CSMD1: variants seen among roughly 807,000 people sequenced by gnomAD.
CSMD1 encodes the protein CUB and sushi domain-containing protein 1.
In CSMD1, 213 loss-of-function variants were observed where a neutral mutation model predicts 417.5. The ratio of observed to expected loss-of-function variants is 0.51; its 90% CI spans 0.46 to 0.57. The LOEUF (loss-of-function observed/expected upper bound fraction) is 0.57. CSMD1 is among the 20% of genes least tolerant of loss of function. The probability of loss-of-function intolerance (pLI) is 0.00; values close to 1 mark genes in which losing one functional copy is unlikely to be tolerated. For synonymous variants in CSMD1, 2,862 were observed against 1,736.8 expected, an observed-to-expected ratio of 1.65 and a Z score of -16.11; for missense variants, 6,923 against 4,529.7, an observed-to-expected ratio of 1.53 and a Z score of -15.17.
intron 17 of CSMD1, among the ~76,000 whole-genome samples, chr8:3,389,887 T>C (rs1321709125): frequency 6.6e-6 from 1 of 152,200 alleles, no homozygotes; most frequent in African/African-American, 2.4e-5. Flanking sequence ...GACACCACTA[T>C]TGAATTTTGA....
chr8:4,310,614 G>C (rs1798507604), intron 3 of CSMD1, among the ~76,000 whole-genome samples: 1 of 152,086 alleles, frequency 6.6e-6, no homozygotes, highest in Non-Finnish European at 1.5e-5. Context: ...AAATCAACAT[G>C]GTATGTTAGG....
intron 2 of CSMD1, among the ~76,000 whole-genome samples, chr8:4,588,465 T>A (rs1185904508): frequency 2.0e-5 from 3 of 151,632 alleles, no homozygotes; most frequent in Admixed American, 2.0e-4. Flanking sequence ...GCACTGTATT[T>A]GAAACAGTGG....
chr8:4,464,913 T>C (rs994245194), intron 2 of CSMD1, among the ~76,000 whole-genome samples: 2 of 152,132 alleles, frequency 1.3e-5, no homozygotes, highest in African/African-American at 4.8e-5. Flanking sequence ...GCCTCTCCAT[T>C]GGGGCTGAGC....
chr8:3,937,116 G>A (rs1388667730), intron 5 of CSMD1, among the ~76,000 whole-genome samples: 2 of 152,180 alleles, frequency 1.3e-5, no homozygotes, highest in Non-Finnish European at 2.9e-5. Flanking sequence ...CTTAATGGAC[G>A]AGGAGCTGCT....
chr8:4,019,443 AAC>A (rs113483158), intron 4 of CSMD1, among the ~76,000 whole-genome samples: 2 of 75,462 alleles, frequency 2.7e-5, no homozygotes, highest in Non-Finnish European at 5.3e-5. Context: ...AAAGGAAGGG[AAC>A]ATTCCCTTAT....
At chr8:3,423,999 A>G (rs1011934226) in intron 12 of CSMD1, among the ~76,000 whole-genome samples, 1 of 152,206 alleles carries the variant, frequency 6.6e-6, no homozygotes, top group Non-Finnish European at 1.5e-5. Context: ...TTTGTTGGTG[A>G]AAAAGTGGTC....
At chr8:3,402,665 G>T (rs1256544530) in intron 15 of CSMD1, among the ~76,000 whole-genome samples, 1 of 152,082 alleles carries the variant, frequency 6.6e-6, no homozygotes, top group Non-Finnish European at 1.5e-5. Flanking sequence ...TTATGGTATG[G>T]ATAATTTCTC....
intron 3 of CSMD1, among the ~76,000 whole-genome samples, chr8:4,310,133 G>T (rs144687551): frequency 1.3e-5 from 2 of 152,140 alleles, no homozygotes; most frequent in Admixed American, 6.5e-5. Context: ...CCTGCTCCTA[G>T]TAACTGCTTC....
intron 12 of CSMD1, among the ~76,000 whole-genome samples, chr8:3,415,162 C>T (rs1306340431): frequency 6.6e-6 from 1 of 152,144 alleles, no homozygotes; most frequent in Non-Finnish European, 1.5e-5. Context: ...ATATATTGTT[C>T]ATCTACAGCA....
chr8:4,902,949 A>G lies in CSMD1; in HGVS notation c.85+91383T>C, dbSNP rs763525440. ...TTATTTAGCACATTTCATTTTATAT[A>G]TAATAATAAACTTTGAATACTAAAC... On this transcript the variant is annotated intron_variant, in intron 1 of 69. Transcript: ENST00000635120. Among the ~76,000 whole-genome samples the G allele has an allele frequency of 5.3e-4, 79 of 148,564 alleles. 1 individual carries two copies. Among genetic ancestry groups the G allele is most frequent in the East Asian group, 2.2e-3 (11 of 5,080 alleles).
chr8:4,011,285 G>A lies in CSMD1; in HGVS notation c.611-13175C>T, dbSNP rs777326872. The stretch of plus-strand genomic sequence containing the variant: ...CTTCTCTTTCAAAACGACTATTTGT[G>A]TTTTTAGTGGAGAATTGCTCTCTGC... On this transcript the variant is annotated intron_variant, in intron 4 of 69. Coordinates refer to ENST00000635120, the MANE Select transcript of CSMD1 (RefSeq NM_033225.6). Among the ~76,000 whole-genome samples the A allele has an allele frequency of 2.6e-4, 40 of 152,238 alleles. 1 individual carries two copies. In the Middle Eastern group the frequency reaches 0.017, roughly 65 times the overall value.
rs778674634 is a variant in CSMD1, at chr8:4,091,326, A to AG, written c.416-59228dup. On this transcript the variant is annotated intron_variant, in intron 3 of 69. Coordinates refer to ENST00000635120, the MANE Select transcript of CSMD1 (RefSeq NM_033225.6). Reference sequence around the variant, plus strand: ...TCTGATTCAATAAATATTTTGTTGTAGTTAGAATGATTCCATCATTGAATT... The same window carrying AG: ...TCTGATTCAATAAATATTTTGTTGTAGGTTAGAATGATTCCATCATTGAATT... 2.6e-5 allele frequency among the ~76,000 whole-genome samples: 4 copies of AG among 152,204 alleles called. No individual in the cohort carries two copies. In the East Asian group the frequency reaches 5.8e-4, roughly 22 times the overall value.
intron 12 of CSMD1, among the ~76,000 whole-genome samples, chr8:3,440,558 G>A (rs888159267): frequency 4.6e-5 from 7 of 152,062 alleles, no homozygotes; most frequent in African/African-American, 1.4e-4. Flanking sequence ...GAATTCTTTG[G>A]GAAATTCTAT....
chr8:3,103,750 A>T (rs544864870), intron 46 of CSMD1, among the ~76,000 whole-genome samples: 7 of 145,110 alleles, frequency 4.8e-5, no homozygotes, highest in South Asian at 2.1e-4. Flanking sequence ...TTTTTTTTTT[A>T]AAAAAAAAAA....
chr8:4,186,805 G>T (rs1434504953), intron 3 of CSMD1, among the ~76,000 whole-genome samples: 1 of 149,600 alleles, frequency 6.7e-6, no homozygotes. Context: ...TGGTCTACAT[G>T]GTGACACCCC....
intron 5 of CSMD1, among the ~76,000 whole-genome samples, chr8:3,919,091 T>C (rs543643764): frequency 2.6e-5 from 4 of 151,912 alleles, no homozygotes; most frequent in African/African-American, 9.7e-5. Context: ...ATTTTTCATT[T>C]TGCAGATTGT....
chr8:4,270,064 G>A (rs1585130994), intron 3 of CSMD1, among the ~76,000 whole-genome samples: 1 of 152,162 alleles, frequency 6.6e-6, no homozygotes, highest in Non-Finnish European at 1.5e-5. Context: ...ATATTGAAAA[G>A]CTTCTGAGGA....
At position 3,689,550 on chromosome 8, in the gene CSMD1, T is replaced by G. The variant is rs564478550; in HGVS notation, c.1009+18864A>C. 2.0e-5 allele frequency among the ~76,000 whole-genome samples: 3 copies of G among 152,330 alleles called. No homozygotes were observed. In the East Asian group the frequency reaches 5.8e-4, roughly 29 times the overall value. On this transcript the variant is annotated intron_variant, in intron 7 of 69. Transcript: ENST00000635120. ...CTTTTCCCGGAGGAGCCATTTCCAT[T>G]GACTGTGTCTTCAACATTCACCTAA... is the stretch of plus-strand genomic sequence containing the variant.
chr8:4,786,506 A>G (rs1293674307), intron 1 of CSMD1, among the ~76,000 whole-genome samples: 1 of 152,160 alleles, frequency 6.6e-6, no homozygotes, highest in African/African-American at 2.4e-5. Context: ...TGGCAATGAG[A>G]TGTAAATTGG....
Sources: gnomAD v4.1 joint callset for allele counts (sites outside exome capture counted in the v4.1 genomes callset) on GRCh38, gnomAD v4.1.1 for gene constraint, MANE v1.5 for transcripts, NCBI Gene and HGNC (gene_info 2026-07-23, HGNC 2026-07-21) for gene names.